RAB8B: variants seen among roughly 807,000 people sequenced by gnomAD.
RAB8B encodes ras-related protein Rab-8B.
Under a neutral mutation model 32.0 loss-of-function variants are expected in RAB8B, and 11 were observed. That is an observed-to-expected ratio of 0.34 (90% CI 0.22 to 0.57). The LOEUF (loss-of-function observed/expected upper bound fraction) is 0.57. RAB8B is among the 20% of genes least tolerant of loss of function. The probability of loss-of-function intolerance (pLI) is 0.86; values close to 1 mark genes in which losing one functional copy is unlikely to be tolerated. For synonymous variants in RAB8B, 103 were observed against 89.6 expected, an observed-to-expected ratio of 1.15 and a Z score of -0.85; for missense variants, 190 against 258.5, an observed-to-expected ratio of 0.73 and a Z score of 1.82.
At chr15:63,238,352 T>C (rs908428221) in intron 1 of RAB8B, among the ~76,000 whole-genome samples, 2 of 152,076 alleles carry the variant, frequency 1.3e-5, no homozygotes, top group African/African-American at 4.8e-5. Flanking sequence ...ATAAGCCAAG[T>C]CTTTGGAGTT....
intron 1 of RAB8B, among the ~76,000 whole-genome samples, chr15:63,219,917 A>G (rs1417689679): frequency 2.6e-5 from 4 of 152,114 alleles, no homozygotes; most frequent in African/African-American, 7.2e-5. Flanking sequence ...CTCTTTCTAC[A>G]TGGACTCTGG....
intron 1 of RAB8B, 131 bp downstream of exon 1, chr15:63,189,879 T>G (rs1595729739): frequency 4.4e-6 from 4 of 913,914 alleles, no homozygotes; most frequent in South Asian, 2.9e-5. Context: ...GCGGGGGCAC[T>G]GAGAGGGGCG....
intron 1 of RAB8B, among the ~76,000 whole-genome samples, chr15:63,242,558 G>A (rs192463747): frequency 2.0e-5 from 3 of 152,092 alleles, no homozygotes; most frequent in Non-Finnish European, 4.4e-5. Flanking sequence ...CATACCTGTA[G>A]TCCCAGCTAC....
intron 1 of RAB8B, among the ~76,000 whole-genome samples, chr15:63,202,572 A>G (rs542780780): frequency 2.0e-5 from 3 of 152,324 alleles, no homozygotes; most frequent in Non-Finnish European, 4.4e-5. Flanking sequence ...AACTAATTGT[A>G]TCAGAAATCT....
Position 63,235,241 on chromosome 15 carries a change from G to A in RAB8B, c.125-9515G>A, listed in dbSNP as rs2141130536. ...AAGGACTGTAAGCCATTGGTGACCA[G>A]GCATGGATGGGGTGGGCTACCAAGG... On this transcript the variant is annotated intron_variant, in intron 1 of 7. Coordinates refer to ENST00000321437, the MANE Select transcript of RAB8B (RefSeq NM_016530.3). Among the ~76,000 whole-genome samples the A allele has an allele frequency of 1.3e-5, 2 of 152,214 alleles. 1 individual carries two copies. Among genetic ancestry groups the A allele is most frequent in the South Asian group, 4.1e-4 (2 of 4,828 alleles).
intron 1 of RAB8B, among the ~76,000 whole-genome samples, chr15:63,198,679 C>T (rs1041080049): frequency 1.8e-4 from 27 of 151,856 alleles, no homozygotes; most frequent in Non-Finnish European, 1.0e-4. Context: ...AAGAACTTGG[C>T]GGTAATTATT....
chr15:63,203,331 C>T (rs151229092), intron 1 of RAB8B, among the ~76,000 whole-genome samples: 5 of 152,286 alleles, frequency 3.3e-5, no homozygotes, highest in African/African-American at 7.2e-5. Context: ...GATAGAAACT[C>T]CAAAGTTCAA....
Position 63,259,958 on chromosome 15 carries a change from C to T in RAB8B, c.480+266C>T, listed in dbSNP as rs1473333389. Among the ~76,000 whole-genome samples the T allele has an allele frequency of 6.6e-6, 1 of 152,136 alleles. No homozygotes were observed. Among genetic ancestry groups the T allele is most frequent in the Non-Finnish European group, 1.5e-5 (1 of 68,026 alleles). ...CAAGCGATTCTCCTGCCTCAGCCTC[C>T]CGAGTAGCTGGTACTATAGGTGTGC... On this transcript the variant is annotated intron_variant, in intron 6 of 7. Transcript: ENST00000321437. The surrounding 1 kb of genome is among the most constrained non-coding windows in gnomAD (Gnocchi z 4.4).
At chr15:63,244,849 A>G in intron 2 of RAB8B, 33 bp downstream of exon 2, 1 of 1,495,488 alleles carries the variant, frequency 6.7e-7, no homozygotes, top group Non-Finnish European at 9.2e-7. Context: ...TTTCTGCTTT[A>G]ATTGGGAATT....
intron 3 of RAB8B, among the ~76,000 whole-genome samples, chr15:63,253,643 C>T (rs532439088): frequency 6.6e-6 from 1 of 151,206 alleles, no homozygotes; most frequent in Non-Finnish European, 1.5e-5. Context: ...ATAGCGAGAC[C>T]TCATCTCTAA....
chr15:63,262,709 A>C lies in RAB8B; in HGVS notation c.498A>C (p.Ala166=), dbSNP rs2038213128. ...ANVEEAFFTL[A]RDIMTKLNRK... ...ACCTATAGGCATTTTTTACACTTGCACGAGATATAATGACAAAACTCAACA... is the reference window on the plus strand; with the variant it reads ...ACCTATAGGCATTTTTTACACTTGCCCGAGATATAATGACAAAACTCAACA... The change falls in exon 7 of 8, where the codon GCA becomes GCC. Residue 166 remains alanine, a synonymous_variant. Coordinates refer to ENST00000321437, the MANE Select transcript of RAB8B (RefSeq NM_016530.3). The C allele has an allele frequency of 6.9e-7, 1 of 1,451,102 alleles. No homozygotes were observed. Among genetic ancestry groups the C allele is most frequent in the Non-Finnish European group, 9.1e-7 (1 of 1,096,196 alleles). The allele number at this position is 1,451,102 out of a possible 1,614,324, so 89.9% of individuals were successfully genotyped here.
intron 3 of RAB8B, 130 bp from the exon 4 acceptor site, chr15:63,255,377 A>G (rs1235949125): frequency 2.7e-5 from 15 of 560,952 alleles, no homozygotes; most frequent in Non-Finnish European, 4.3e-5. Flanking sequence ...TTTCAAATTT[A>G]TTATGAACCC....
At chr15:63,231,659 C>A (rs2037938265) in intron 1 of RAB8B, among the ~76,000 whole-genome samples, 1 of 152,104 alleles carries the variant, frequency 6.6e-6, no homozygotes, top group South Asian at 2.1e-4. Context: ...TACAAAGGTA[C>A]ACTTTATCAG....
intron 1 of RAB8B, among the ~76,000 whole-genome samples, chr15:63,230,843 G>A (rs375599037): frequency 2.6e-5 from 4 of 152,150 alleles, no homozygotes; most frequent in East Asian, 1.9e-4. Context: ...CTACAGGCAT[G>A]TGCCACCATG....
chr15:63,263,198 CT>C (rs1335508098), intron 7 of RAB8B, among the ~76,000 whole-genome samples: 1 of 152,174 alleles, frequency 6.6e-6, no homozygotes, highest in Non-Finnish European at 1.5e-5. Context: ...ACAGAACTGT[CT>C]ATGCCAGTAT....
chr15:63,262,963 T>C (rs564372259), intron 7 of RAB8B, among the ~76,000 whole-genome samples: 1 of 152,260 alleles, frequency 6.6e-6, no homozygotes, highest in Non-Finnish European at 1.5e-5. Context: ...TGATCTTTAA[T>C]TGAATTTTGA....
At chr15:63,219,065 C>A (rs1454056560) in intron 1 of RAB8B, among the ~76,000 whole-genome samples, 1 of 121,004 alleles carries the variant, frequency 8.3e-6, no homozygotes, top group Non-Finnish European at 1.6e-5. Flanking sequence ...TGCCGGGAGA[C>A]TGAGGTGGGT....
At chr15:63,261,000 G>T (rs776027938) in intron 6 of RAB8B, among the ~76,000 whole-genome samples, 3 of 152,146 alleles carry the variant, frequency 2.0e-5, no homozygotes, top group Non-Finnish European at 4.4e-5. Context: ...GAAACAGGAA[G>T]CCTCTACTGA....
At chr15:63,229,940 G>A (rs2141127452) in intron 1 of RAB8B, among the ~76,000 whole-genome samples, 1 of 152,206 alleles carries the variant, frequency 6.6e-6, no homozygotes, top group South Asian at 2.1e-4. Context: ...GTTATAGAGT[G>A]TTGTCACCTT....
Sources: gnomAD v4.1 joint callset for allele counts (sites outside exome capture counted in the v4.1 genomes callset) on GRCh38, gnomAD v4.1.1 for gene constraint, Gnocchi (gnomAD v3.1) non-coding constraint, MANE v1.5 for transcripts, NCBI Gene and HGNC (gene_info 2026-07-23, HGNC 2026-07-21) for gene names.